The following CAMK2D variants were observed in gnomAD, a reference collection of about 807,000 sequenced individuals.
CAMK2D encodes the protein calcium/calmodulin-dependent protein kinase type II subunit delta.
A neutral mutation model predicts 84.0 loss-of-function variants in CAMK2D; 37 were observed. That is an observed-to-expected ratio of 0.44 (90% CI 0.34 to 0.58). The LOEUF (loss-of-function observed/expected upper bound fraction) is 0.58. CAMK2D is among the 20% of genes least tolerant of loss of function. The pLI is 0.02. For synonymous variants in CAMK2D, 202 were observed against 212.5 expected (o/e 0.95, Z 0.43); for missense variants, 448 against 652.5 (o/e 0.69, Z 3.41).
intron 9 of CAMK2D, among the ~76,000 whole-genome samples, chr4:113,516,080 A>G (rs1376285982): frequency 6.6e-6 from 1 of 152,232 alleles, no homozygotes; most frequent in African/African-American, 2.4e-5. Flanking sequence ...TGTATGGACA[A>G]TCTTGAAAAA....
At chr4:113,489,950 G>A (rs1232538783) in intron 16 of CAMK2D, among the ~76,000 whole-genome samples, 1 of 150,886 alleles carries the variant, frequency 6.6e-6, no homozygotes, top group African/African-American at 2.4e-5. Context: ...CTTTTGAGAA[G>A]TGTCTGTTCA....
chr4:113,495,982 C>T (rs535311735), intron 16 of CAMK2D, among the ~76,000 whole-genome samples: 1 of 152,232 alleles, frequency 6.6e-6, no homozygotes, highest in African/African-American at 2.4e-5. Context: ...TGGACATGTA[C>T]CCATCAGGAG....
intron 2 of CAMK2D, among the ~76,000 whole-genome samples, chr4:113,663,982 G>A (rs2099247768): frequency 6.6e-6 from 1 of 152,122 alleles, no homozygotes; most frequent in Admixed American, 6.5e-5. Flanking sequence ...TCATTATTGT[G>A]GGCTCTAATC....
At chr4:113,590,491 A>G (rs1268420271) in intron 4 of CAMK2D, among the ~76,000 whole-genome samples, 1 of 152,196 alleles carries the variant, frequency 6.6e-6, no homozygotes, top group Non-Finnish European at 1.5e-5. Context: ...ATGGATAATC[A>G]TGATTCAAGA....
chr4:113,578,983 T>TC (rs34799188), intron 4 of CAMK2D, among the ~76,000 whole-genome samples: 110,026 of 151,934 alleles, frequency 0.72, 40,127 homozygotes, highest in Middle Eastern at 0.78. Context: ...ACTCCTTTCT[T>TC]CAAAAACCAA....
At chr4:113,612,474 C>T (rs2099004447) in intron 3 of CAMK2D, among the ~76,000 whole-genome samples, 1 of 152,190 alleles carries the variant, frequency 6.6e-6, no homozygotes, top group African/African-American at 2.4e-5. Flanking sequence ...AGACTGACGG[C>T]ATGGCTGGCC....
At chr4:113,700,240 G>A (rs1158362496) in intron 2 of CAMK2D, among the ~76,000 whole-genome samples, 1 of 152,110 alleles carries the variant, frequency 6.6e-6, no homozygotes, top group Non-Finnish European at 1.5e-5. Context: ...GCTCATAATT[G>A]TATATTGTCC....
chr4:113,594,985 G>A (rs1591676067), intron 4 of CAMK2D, among the ~76,000 whole-genome samples: 1 of 151,874 alleles, frequency 6.6e-6, no homozygotes, highest in African/African-American at 2.4e-5. Flanking sequence ...AGAACACAAG[G>A]TATGATAAAT....
intron 4 of CAMK2D, among the ~76,000 whole-genome samples, chr4:113,599,363 T>C (rs2098941723): frequency 6.6e-6 from 1 of 152,210 alleles, no homozygotes; most frequent in Non-Finnish European, 1.5e-5. Flanking sequence ...AAAACTTATG[T>C]CCATGCAAAA....
At chr4:113,754,141 G>T in intron 2 of CAMK2D, 2 of 890,926 alleles carry the variant, frequency 2.2e-6, no homozygotes, top group African/African-American at 1.8e-5. Flanking sequence ...TCCATTTAAT[G>T]CATTGCAGTG....
intron 3 of CAMK2D, among the ~76,000 whole-genome samples, chr4:113,656,132 G>A (rs1003968375): frequency 6.6e-6 from 1 of 152,118 alleles, no homozygotes; most frequent in African/African-American, 2.4e-5. Flanking sequence ...AAGGTGAACA[G>A]AATGATCAAA....
intron 11 of CAMK2D, among the ~76,000 whole-genome samples, 182 bp downstream of exon 11, chr4:113,513,648 C>T (rs916925106): frequency 1.3e-5 from 2 of 152,118 alleles, no homozygotes; most frequent in African/African-American, 4.8e-5. Context: ...AGGATGATTC[C>T]AGCTTTTCAC....
At chr4:113,760,623 C>T (rs1308953313) in intron 1 of CAMK2D, among the ~76,000 whole-genome samples, 1 of 152,178 alleles carries the variant, frequency 6.6e-6, no homozygotes, top group Non-Finnish European at 1.5e-5. Flanking sequence ...AAAACATGAT[C>T]TATGTTGCAT....
At chr4:113,474,926 C>T (rs1414376651) in intron 16 of CAMK2D, among the ~76,000 whole-genome samples, 1 of 152,148 alleles carries the variant, frequency 6.6e-6, no homozygotes, top group Non-Finnish European at 1.5e-5. Context: ...GGATTACAGG[C>T]GTGAGCCACC....
chr4:113,527,810 T>C (rs950457175), intron 8 of CAMK2D, among the ~76,000 whole-genome samples: 1 of 152,190 alleles, frequency 6.6e-6, no homozygotes, highest in South Asian at 2.1e-4. Context: ...TAATATGATG[T>C]TTTGATATTT....
At chr4:113,676,813 T>G (rs2099320061) in intron 2 of CAMK2D, among the ~76,000 whole-genome samples, 1 of 152,218 alleles carries the variant, frequency 6.6e-6, no homozygotes, top group African/African-American at 2.4e-5. Context: ...CATAATTTAG[T>G]TGCTTTTTCA....
chr4:113,661,657 T>C, intron 3 of CAMK2D, 56 bp downstream of exon 3: 1 of 745,462 alleles, frequency 1.3e-6, no homozygotes. Flanking sequence ...TTTATTGTGG[T>C]AAATAACATA....
intron 4 of CAMK2D, among the ~76,000 whole-genome samples, chr4:113,573,472 C>T (rs951518918): frequency 1.3e-5 from 2 of 152,236 alleles, no homozygotes; most frequent in Non-Finnish European, 2.9e-5. Flanking sequence ...CTAAACTCAG[C>T]CCACATGGCC....
intron 3 of CAMK2D, among the ~76,000 whole-genome samples, chr4:113,622,578 C>T (rs2099050750): frequency 6.6e-6 from 1 of 152,112 alleles, no homozygotes; most frequent in Non-Finnish European, 1.5e-5. Flanking sequence ...CAGCCCGGGC[C>T]ACAAAGTGAC....
Sources: gnomAD v4.1 joint callset for allele counts (sites outside exome capture counted in the v4.1 genomes callset) on GRCh38, gnomAD v4.1.1 for gene constraint, MANE v1.5 for transcripts, NCBI Gene and HGNC (gene_info 2026-07-23, HGNC 2026-07-21) for gene names.